PPM1E: variants seen among roughly 807,000 people sequenced by gnomAD.
PPM1E encodes the protein protein phosphatase, Mg2+/Mn2+ dependent 1E.
In PPM1E, 20 loss-of-function variants were observed where a neutral mutation model predicts 65.9. The ratio of observed to expected loss-of-function variants is 0.30; its 90% CI spans 0.21 to 0.44. PPM1E has a LOEUF of 0.44. Among genes scored for constraint, PPM1E ranks in the 20% least tolerant of loss-of-function variants. The pLI, the probability that PPM1E is intolerant of heterozygous loss-of-function variation, is 1.00. For synonymous variants in PPM1E, 352 were observed against 374.9 expected, an observed-to-expected ratio of 0.94 and a Z score of 0.70; for missense variants, 713 against 953.1, an observed-to-expected ratio of 0.75 and a Z score of 3.32.
chr17:58,756,636 G>GCCCACGCCCGCCTCGGCC (rs145010411), intron 1 of PPM1E, among the ~76,000 whole-genome samples, 175 bp downstream of exon 1: 2,752 of 151,034 alleles, frequency 0.018, 81 homozygotes, highest in Admixed American at 0.075. Context: ...GCTGAGAGCT[G>GCCCACGCCCGCCTCGGCC]CCCACGCCCG....
chr17:58,931,867 T>C (rs1178976720), intron 1 of PPM1E, among the ~76,000 whole-genome samples: 1 of 152,114 alleles, frequency 6.6e-6, no homozygotes, highest in Non-Finnish European at 1.5e-5. Flanking sequence ...ATAAAGAAAA[T>C]GTCACAAAAG....
intron 1 of PPM1E, among the ~76,000 whole-genome samples, chr17:58,827,553 G>A (rs1305894607): frequency 6.6e-6 from 1 of 152,024 alleles, no homozygotes; most frequent in Non-Finnish European, 1.5e-5. Context: ...GATTTATTCA[G>A]ATATTCTGTT....
In PPM1E at chr17:58,853,411, T is replaced by G. The variant is rs1379074889; in HGVS notation, c.464+96950T>G. On this transcript the variant is annotated intron_variant, in intron 1 of 6. Coordinates refer to ENST00000308249, the MANE Select transcript of PPM1E (RefSeq NM_014906.5). ...CTTGACACCCTTGTCAAAAATCACT[T>G]TACCATATATGCAAGGATGCATTTC... Among the ~76,000 whole-genome samples, 3 of 152,218 alleles carry G rather than the reference T, an allele frequency of 2.0e-5. No individual in the cohort carries two copies. The East Asian group carries it at 5.8e-4, about 29-fold the overall frequency.
intron 1 of PPM1E, among the ~76,000 whole-genome samples, chr17:58,927,157 C>T (rs1283212392): frequency 3.7e-5 from 5 of 135,088 alleles, no homozygotes; most frequent in Non-Finnish European, 6.1e-5. Context: ...GGCAGAATCT[C>T]GCTCTGTCGC....
chr17:58,782,744 A>G (rs936142593), intron 1 of PPM1E, among the ~76,000 whole-genome samples: 1 of 152,232 alleles, frequency 6.6e-6, no homozygotes. Context: ...TATTTATAAA[A>G]GATGAATATA....
intron 1 of PPM1E, among the ~76,000 whole-genome samples, chr17:58,873,596 TATTATTATTA>T (rs1283740141): frequency 6.8e-6 from 1 of 147,116 alleles, no homozygotes. Context: ...TTATTATTAT[TATTATTATTA>T]TTTTCGAGTC....
rs1189180562 is a variant in PPM1E at position 58,980,506 on chromosome 17, C to A, written c.1743C>A (p.His581Gln). ...CACAAATAGAAGCAAGCAAACCTCA[C>A]AGTGCCCAGTTTTTGCTACCAGTTG... The part of the protein sequence containing the change: ...DLTQIEASKP[H>Q]SAQFLLPVEM... The change falls in exon 7 of 7, where the codon CAC becomes CAA. Residue 581 changes from histidine to glutamine, a missense_variant. Coordinates refer to ENST00000308249, the MANE Select transcript of PPM1E (RefSeq NM_014906.5). The surrounding 1 kb of genome is among the most constrained non-coding windows in gnomAD (Gnocchi z 4.7). 1.9e-6 allele frequency: 3 copies of A among 1,614,180 alleles called. No homozygotes were observed. The highest frequency in any genetic ancestry group is 3.3e-5 in the Admixed American group (2 of 60,026).
chr17:58,941,056 A>G (rs1248479653), intron 1 of PPM1E, among the ~76,000 whole-genome samples: 1 of 152,210 alleles, frequency 6.6e-6, no homozygotes, highest in Non-Finnish European at 1.5e-5. Context: ...AGTAAATTCC[A>G]TAACTATATA....
chr17:58,879,760 C>T (rs2051171611), intron 1 of PPM1E, among the ~76,000 whole-genome samples: 1 of 152,030 alleles, frequency 6.6e-6, no homozygotes, highest in East Asian at 1.9e-4. Context: ...CCACCCGCCT[C>T]GGCCTCCCAA....
At chr17:58,945,148 T>C (rs903719866) in intron 1 of PPM1E, among the ~76,000 whole-genome samples, 2 of 148,458 alleles carry the variant, frequency 1.3e-5, no homozygotes, top group African/African-American at 4.9e-5. Flanking sequence ...ACACACTTCT[T>C]TTTTTTTTTT....
rs2031572176 is a variant in PPM1E, at chr17:58,984,090, C to A, written c.*3059C>A. ...ATGGGTAGAAACACATATGTATATA[C>A]CTTTTCTTTACCTAGAAGTGCCATC... On this transcript the variant is annotated 3_prime_UTR_variant, in exon 7 of 7. Coordinates refer to ENST00000308249, the MANE Select transcript of PPM1E (RefSeq NM_014906.5). 6.6e-6 allele frequency: 1 copy of A among 152,612 alleles called. No homozygotes were observed. The highest frequency in any genetic ancestry group is 2.4e-5 in the African/African-American group (1 of 41,448). The allele number at this position is 152,612 out of a possible 1,614,324, so 9.5% of individuals were successfully genotyped here.
intron 1 of PPM1E, among the ~76,000 whole-genome samples, chr17:58,821,353 G>T (rs1266547444): frequency 6.6e-6 from 1 of 152,098 alleles, no homozygotes; most frequent in African/African-American, 2.4e-5. Context: ...CTTCTGATCC[G>T]CCCGTCTCGG....
intron 1 of PPM1E, among the ~76,000 whole-genome samples, chr17:58,888,631 T>C (rs1598631193): frequency 6.6e-6 from 1 of 152,260 alleles, no homozygotes; most frequent in Non-Finnish European, 1.5e-5. Flanking sequence ...GTGCTGGGAT[T>C]ACAGGCGTGA....
intron 1 of PPM1E, among the ~76,000 whole-genome samples, chr17:58,866,348 A>C (rs1167218191): frequency 2.0e-5 from 3 of 152,212 alleles, no homozygotes. Context: ...CTAGGTCTTC[A>C]AAACTAGGGA....
At chr17:58,931,583 A>T (rs946043506) in intron 1 of PPM1E, among the ~76,000 whole-genome samples, 1 of 152,180 alleles carries the variant, frequency 6.6e-6, no homozygotes, top group Non-Finnish European at 1.5e-5. Flanking sequence ...TCCAAAAATT[A>T]AAGAATGATT....
intron 1 of PPM1E, among the ~76,000 whole-genome samples, chr17:58,930,044 AC>A (rs2143563815): frequency 6.6e-6 from 1 of 152,128 alleles, no homozygotes; most frequent in African/African-American, 2.4e-5. Context: ...CGGTCATACT[AC>A]CCTGAACGTG....
rs2031592041 is a variant in PPM1E, at chr17:58,984,321, A to ACAT, written c.*3292_*3294dup. On this transcript the variant is annotated 3_prime_UTR_variant, in exon 7 of 7. Coordinates refer to ENST00000308249, the MANE Select transcript of PPM1E (RefSeq NM_014906.5). ...AAACACTGTGCCAGTGAGAAGTGCA[A>ACAT]CATCCAGTGGGCAGATGAAAATGAT... The ACAT allele has an allele frequency of 6.6e-6, 1 of 152,656 alleles. No individual in the cohort carries two copies. The highest frequency in any genetic ancestry group is 2.4e-5 in the African/African-American group (1 of 41,462). The allele number at this position is 152,656 out of a possible 1,614,324, so 9.5% of individuals were successfully genotyped here. A position where few individuals can be genotyped will look rare whatever the true frequency, so the allele number is the denominator to read the frequency against.
chr17:58,923,022 A>T (rs933094303), intron 1 of PPM1E, among the ~76,000 whole-genome samples: 9 of 152,300 alleles, frequency 5.9e-5, no homozygotes, highest in Middle Eastern at 3.4e-3. Flanking sequence ...GTGATAGCTT[A>T]TGCTTGTAAT....
intron 1 of PPM1E, among the ~76,000 whole-genome samples, chr17:58,808,059 T>C (rs1004789920): frequency 6.6e-6 from 1 of 152,222 alleles, no homozygotes; most frequent in Non-Finnish European, 1.5e-5. Flanking sequence ...TGTGTGTTTA[T>C]ATGTGTATGT....
Sources: gnomAD v4.1 joint callset for allele counts (sites outside exome capture counted in the v4.1 genomes callset) on GRCh38, gnomAD v4.1.1 for gene constraint, Gnocchi (gnomAD v3.1) non-coding constraint, MANE v1.5 for transcripts, NCBI Gene and HGNC (gene_info 2026-07-23, HGNC 2026-07-21) for gene names.